ZNF652: variants seen among roughly 807,000 people sequenced by gnomAD.
ZNF652 encodes zinc finger protein 652.
In ZNF652, 16 loss-of-function variants were observed where a neutral mutation model predicts 45.2. That is an observed-to-expected ratio of 0.35 (90% CI 0.24 to 0.54). ZNF652 has a LOEUF of 0.54. Ranked by LOEUF, ZNF652 falls within the 20% of genes least tolerant of loss-of-function variation. The pLI is 0.91. For missense variants in ZNF652, 614 were observed against 765.6 expected, an observed-to-expected ratio of 0.80 and a Z score of 2.34; for synonymous variants, 250 against 260.6, an observed-to-expected ratio of 0.96 and a Z score of 0.39.
chr17:49,341,567 G>A (rs2070147221), intron 1 of ZNF652, among the ~76,000 whole-genome samples: 1 of 151,454 alleles, frequency 6.6e-6, no homozygotes, highest in South Asian at 2.1e-4. Context: ...AGGAGACTGA[G>A]AAGGAAGGAT....
At chr17:49,333,545 TAAAAAAAA>T (rs1182199037) in intron 1 of ZNF652, among the ~76,000 whole-genome samples, 2 of 48,114 alleles carry the variant, frequency 4.2e-5, no homozygotes, top group African/African-American at 9.7e-5. Context: ...CTGTCTCTAC[TAAAAAAAA>T]AAAAAAAAAA....
chr17:49,349,955 AATCT>A (rs1162887330), intron 1 of ZNF652, among the ~76,000 whole-genome samples: 1 of 152,210 alleles, frequency 6.6e-6, no homozygotes, highest in Non-Finnish European at 1.5e-5. Flanking sequence ...ATATGTGTAC[AATCT>A]ATGTTATAAC....
In ZNF652 at chr17:49,292,030, T is replaced by C. The variant is rs1375274557; in HGVS notation, c.*6383A>G. Among the ~76,000 whole-genome samples, 1 of 152,142 alleles carries C rather than the reference T, an allele frequency of 6.6e-6. No individual in the cohort carries two copies. Among genetic ancestry groups the C allele is most frequent in the Admixed American group, 6.5e-5 (1 of 15,274 alleles). ...GAAAGATGGAGAATGTATTAACAGC[T>C]GCCTTCTTAGATACCCACCTTGTGT... On this transcript the variant is annotated 3_prime_UTR_variant, in exon 6 of 6. Coordinates refer to ENST00000430262, the MANE Select transcript of ZNF652 (RefSeq NM_001145365.3).
Position 49,296,465 on chromosome 17 carries a change from C to T in ZNF652, c.*1948G>A, listed in dbSNP as rs1006339945. ...TCATTAGTTAGAAAAGTGCTCGAAG[C>T]ATATCTGCACATTTAATATTAAAAA... On this transcript the variant is annotated 3_prime_UTR_variant, in exon 6 of 6. Transcript: ENST00000430262. 2 of 152,456 alleles carry T rather than the reference C, an allele frequency of 1.3e-5. No homozygotes were observed. Among genetic ancestry groups the T allele is most frequent in the African/African-American group, 4.8e-5 (2 of 41,404 alleles). 9.4% of individuals were successfully genotyped at this position (152,456 alleles called of 1,614,324 possible).
chr17:49,333,722 G>GAAAA (rs749640282), intron 1 of ZNF652, among the ~76,000 whole-genome samples: 247 of 54,228 alleles, frequency 4.6e-3, no homozygotes, highest in African/African-American at 5.9e-3. Flanking sequence ...TCTGTCTCAA[G>GAAAA]AAAAAAAAAA....
rs113017905 is a variant in ZNF652 at position 49,306,798 on chromosome 17, G to T, written c.1309+4514C>A. 1.5e-3 allele frequency among the ~76,000 whole-genome samples: 229 copies of T among 152,202 alleles called. 2 individuals carry two copies. Among genetic ancestry groups the T allele is most frequent in the African/African-American group, 5.2e-3 (217 of 41,552 alleles). ...GACGGAGTTTTGCTCTGTCCCCCAG[G>T]CTGGAATGCAGTGGCGCGATCTCAG... On this transcript the variant is annotated intron_variant, in intron 5 of 5. Transcript: ENST00000430262.
intron 5 of ZNF652, among the ~76,000 whole-genome samples, chr17:49,307,099 A>C (rs1404022753): frequency 6.6e-6 from 1 of 152,060 alleles, no homozygotes; most frequent in Non-Finnish European, 1.5e-5. Flanking sequence ...AAATAACATA[A>C]ATGTCTAGCA....
At chr17:49,319,382 C>T (rs1389156118) in intron 1 of ZNF652, among the ~76,000 whole-genome samples, 9 of 151,528 alleles carry the variant, frequency 5.9e-5, no homozygotes, top group African/African-American at 2.2e-4. Flanking sequence ...CGCCTGTAAT[C>T]CCAGCACTTT....
intron 5 of ZNF652, among the ~76,000 whole-genome samples, chr17:49,307,435 G>GAAAAAAAAAAAAAAAAAA: frequency 2.5e-5 from 1 of 40,482 alleles, no homozygotes; most frequent in Non-Finnish European, 4.4e-5. Flanking sequence ...TGTCTCAAAA[G>GAAAAAAAAAAAAAAAAAA]AAAAAAAAAA....
chr17:49,323,585 CTA>C (rs1172377048), intron 1 of ZNF652, among the ~76,000 whole-genome samples: 2 of 152,172 alleles, frequency 1.3e-5, no homozygotes, highest in African/African-American at 4.8e-5. Flanking sequence ...AGAGGAATCA[CTA>C]TCTATGGCAG....
chr17:49,346,143 C>A (rs1333988223), intron 1 of ZNF652, among the ~76,000 whole-genome samples: 1 of 152,150 alleles, frequency 6.6e-6, no homozygotes, highest in Admixed American at 6.6e-5. Context: ...GAGCATTTGT[C>A]CTAGTTTACT....
rs1401628906 is a variant in ZNF652 at position 49,319,003 on chromosome 17, T to C, written c.-258-1020A>G. Among the ~76,000 whole-genome samples, 6 of 152,326 alleles carry C rather than the reference T, an allele frequency of 3.9e-5. No individual in the cohort carries two copies. In the East Asian group the frequency reaches 5.8e-4, roughly 15 times the overall value. Reference sequence around the variant, plus strand: ...CTCAGTAAGTCGGTGATTTTTTATATGTCAGTTGCACAGGAGTCTAAATTC... The same window carrying C: ...CTCAGTAAGTCGGTGATTTTTTATACGTCAGTTGCACAGGAGTCTAAATTC... On this transcript the variant is annotated intron_variant, in intron 1 of 5. Coordinates refer to ENST00000430262, the MANE Select transcript of ZNF652 (RefSeq NM_001145365.3).
intron 5 of ZNF652, among the ~76,000 whole-genome samples, chr17:49,300,815 T>C (rs2069542527): frequency 6.6e-6 from 1 of 152,180 alleles, no homozygotes; most frequent in African/African-American, 2.4e-5. Flanking sequence ...GCTTTACATC[T>C]ATTAACCTTG....
At position 49,293,812 on chromosome 17, in the gene ZNF652, A is replaced by G. The variant is rs1381346412; in HGVS notation, c.*4601T>C. Among the ~76,000 whole-genome samples the G allele has an allele frequency of 6.6e-6, 1 of 152,188 alleles. No homozygotes were observed. Among genetic ancestry groups the G allele is most frequent in the Non-Finnish European group, 1.5e-5 (1 of 68,032 alleles). On this transcript the variant is annotated 3_prime_UTR_variant, in exon 6 of 6. Transcript: ENST00000430262. Reference sequence around the variant, plus strand: ...TTTTAAAACAGTAATTAGCTGATACAATTCTTAAATGTAATGTATCCCTTT... The same window carrying G: ...TTTTAAAACAGTAATTAGCTGATACGATTCTTAAATGTAATGTATCCCTTT...
Position 49,352,748 on chromosome 17 carries a change from G to A in ZNF652, c.-259+9161C>T, listed in dbSNP as rs1171550582. On this transcript the variant is annotated intron_variant, in intron 1 of 5. Coordinates refer to ENST00000430262, the MANE Select transcript of ZNF652 (RefSeq NM_001145365.3). ...AGCCAAATGTCCCTCAAATGGTTACGAATGTACGTGATCTGTGGTATATCC... is the reference window on the plus strand; with the variant it reads ...AGCCAAATGTCCCTCAAATGGTTACAAATGTACGTGATCTGTGGTATATCC... 3.3e-5 allele frequency among the ~76,000 whole-genome samples: 5 copies of A among 152,128 alleles called. No individual in the cohort carries two copies. In the South Asian group the frequency reaches 6.2e-4, roughly 19 times the overall value.
intron 5 of ZNF652, among the ~76,000 whole-genome samples, chr17:49,308,939 A>G (rs1352091087): frequency 1.3e-5 from 2 of 152,198 alleles, no homozygotes; most frequent in East Asian, 3.8e-4. Context: ...TAAAATAATC[A>G]TGAAAGAAAC....
At position 49,297,670 on chromosome 17, in the gene ZNF652, C is replaced by T. The variant is rs946299654; in HGVS notation, c.*743G>A. 3 of 152,514 alleles carry T rather than the reference C, an allele frequency of 2.0e-5. No homozygotes were observed. The highest frequency in any genetic ancestry group is 7.2e-5 in the African/African-American group (3 of 41,392). 9.4% of individuals were successfully genotyped at this position (152,514 alleles called of 1,614,324 possible). On this transcript the variant is annotated 3_prime_UTR_variant, in exon 6 of 6. Transcript: ENST00000430262. ...TTGAGTTGTACGGATGTAAGAATAG[C>T]TTTGAATTATAGAAGTTATATGCAT...
At chr17:49,315,525 TTAAA>T (rs1003681973) in intron 2 of ZNF652, among the ~76,000 whole-genome samples, 1 of 151,008 alleles carries the variant, frequency 6.6e-6, no homozygotes, top group African/African-American at 2.4e-5. Flanking sequence ...AAAGTATTTA[TTAAA>T]TGTTTTCTGT....
chr17:49,300,219 C>A (rs2069533509), intron 5 of ZNF652, among the ~76,000 whole-genome samples: 1 of 152,178 alleles, frequency 6.6e-6, no homozygotes, highest in African/African-American at 2.4e-5. Flanking sequence ...GTGGGACTAT[C>A]TGGCACCCAG....
Sources: allele counts gnomAD v4.1 joint callset (sites outside exome capture counted in the v4.1 genomes callset), GRCh38; gene constraint gnomAD v4.1.1; transcripts MANE v1.5; gene names NCBI Gene and HGNC (gene_info 2026-07-23, HGNC 2026-07-21).